SYNGR1: variants seen among roughly 807,000 people sequenced by gnomAD.
SYNGR1 encodes synaptogyrin-1.
In SYNGR1, 14 loss-of-function variants were observed where a neutral mutation model predicts 26.1. That is an observed-to-expected ratio of 0.54 (90% CI 0.35 to 0.84). The LOEUF (loss-of-function observed/expected upper bound fraction) is 0.84. Ranked by LOEUF, SYNGR1 falls within the 40% of genes least tolerant of loss-of-function variation. SYNGR1 has a pLI of 0.01. For synonymous variants in SYNGR1, 141 were observed against 150.1 expected (o/e 0.94, Z 0.44); for missense variants, 319 against 332.9 (o/e 0.96, Z 0.33).
At chr22:39,373,309 C>G (rs757694508) in intron 1 of SYNGR1, among the ~76,000 whole-genome samples, 4 of 151,896 alleles carry the variant, frequency 2.6e-5, no homozygotes, top group Non-Finnish European at 5.9e-5. Flanking sequence ...GCTGGGATTA[C>G]AGGCATCCGC....
At chr22:39,368,862 T>A (rs1274636570) in intron 1 of SYNGR1, among the ~76,000 whole-genome samples, 1 of 152,228 alleles carries the variant, frequency 6.6e-6, no homozygotes, top group East Asian at 1.9e-4. Flanking sequence ...CCTGGTGTTA[T>A]TCCTCTTTTC....
intron 1 of SYNGR1, among the ~76,000 whole-genome samples, chr22:39,351,998 C>T (rs111321804): frequency 1.1e-4 from 17 of 152,258 alleles, no homozygotes; most frequent in African/African-American, 3.9e-4. Context: ...TGCAAGACCA[C>T]ACACAGCTAC....
At chr22:39,354,577 C>T (rs142164994) in intron 1 of SYNGR1, among the ~76,000 whole-genome samples, 5,404 of 152,304 alleles carry the variant, frequency 0.035, 139 homozygotes, top group Non-Finnish European at 0.051. Flanking sequence ...AGGTGGCTCA[C>T]GCCTATAATC....
intron 3 of SYNGR1, chr22:39,378,201 C>G: frequency 9.1e-7 from 1 of 1,102,136 alleles, no homozygotes; most frequent in Non-Finnish European, 1.1e-6. Flanking sequence ...TGGTCTGGCT[C>G]TGTCCTCATG....
chr22:39,380,626 T>TC (rs1404790899), intron 3 of SYNGR1, among the ~76,000 whole-genome samples: 1 of 144,900 alleles, frequency 6.9e-6, no homozygotes, highest in East Asian at 2.0e-4. Flanking sequence ...CTTTTTTTTT[T>TC]TTTTTTTTTT....
chr22:39,376,472 C>G (rs565498336), intron 3 of SYNGR1, among the ~76,000 whole-genome samples: 124 of 151,782 alleles, frequency 8.2e-4, no homozygotes, highest in Non-Finnish European at 9.3e-4. Context: ...CACCCCCCCC[C>G]CAAACCACTC....
At chr22:39,358,406 C>G (rs999469097) in intron 1 of SYNGR1, among the ~76,000 whole-genome samples, 7 of 152,200 alleles carry the variant, frequency 4.6e-5, no homozygotes, top group African/African-American at 1.7e-4. Flanking sequence ...CTGCTCAGTT[C>G]CAAAGCTTTG....
At chr22:39,369,044 T>C (rs1265908897) in intron 1 of SYNGR1, among the ~76,000 whole-genome samples, 1 of 152,230 alleles carries the variant, frequency 6.6e-6, no homozygotes, top group African/African-American at 2.4e-5. Flanking sequence ...CTACCCAGCA[T>C]AAGCAGCAGG....
At chr22:39,357,737 G>A (rs1446043991) in intron 1 of SYNGR1, among the ~76,000 whole-genome samples, 4 of 151,748 alleles carry the variant, frequency 2.6e-5, no homozygotes, top group Non-Finnish European at 4.4e-5. Flanking sequence ...GGGACTTAGC[G>A]CCCGGGCCAG....
chr22:39,359,191 G>C (rs980175572), intron 1 of SYNGR1, among the ~76,000 whole-genome samples: 7 of 152,294 alleles, frequency 4.6e-5, no homozygotes, highest in African/African-American at 1.7e-4. Flanking sequence ...GCTGGGTGTA[G>C]AGGTCGACAG....
At chr22:39,360,428 C>T (rs543571616) in intron 1 of SYNGR1, among the ~76,000 whole-genome samples, 14 of 152,320 alleles carry the variant, frequency 9.2e-5, no homozygotes, top group South Asian at 4.1e-4. Context: ...CGCCCCTCCT[C>T]GCCATCTTCT....
At position 39,365,988 on chromosome 22, in the gene SYNGR1, C is replaced by CTTTTTTTTTTTTTTT. The variant is rs777416803; in HGVS notation, c.100-8315_100-8301dup. Among the ~76,000 whole-genome samples, 396 of 68,376 alleles carry CTTTTTTTTTTTTTTT rather than the reference C, an allele frequency of 5.8e-3. 69 individuals are homozygous for CTTTTTTTTTTTTTTT. The East Asian group carries it at 0.06, about 10-fold the overall frequency. 44.9% of individuals were successfully genotyped at this position (68,376 alleles called of 152,430 possible). On this transcript the variant is annotated intron_variant, in intron 1 of 3. Coordinates refer to ENST00000328933, the MANE Select transcript of SYNGR1 (RefSeq NM_004711.5). ...CGTGAGCCACCGCGCTCAGCCCCTT[C>CTTTTTTTTTTTTTTT]TTTTTTTTTTTTTTTTTTTTTTTTT... is the stretch of plus-strand genomic sequence containing the variant.
chr22:39,366,367 C>T (rs924754852), intron 1 of SYNGR1, among the ~76,000 whole-genome samples: 4 of 151,560 alleles, frequency 2.6e-5, no homozygotes, highest in African/African-American at 4.8e-5. Context: ...ATATTCAGGC[C>T]GGGCATAGTG....
rs987061770 is a variant in SYNGR1, at chr22:39,382,582, ACCT to A, written c.*672_*674del. On this transcript the variant is annotated 3_prime_UTR_variant, in exon 4 of 4. Coordinates refer to ENST00000328933, the MANE Select transcript of SYNGR1 (RefSeq NM_004711.5). Reference sequence around the variant, plus strand: ...ACCACGTGCTCTTCCCTGGCCACCCACCTCCTACCATCCCCACGCTTGGGGCTT... The same window carrying A: ...ACCACGTGCTCTTCCCTGGCCACCCACCTACCATCCCCACGCTTGGGGCTT... The A allele has an allele frequency of 3.2e-5, 5 of 154,870 alleles. No homozygotes were observed. The highest frequency in any genetic ancestry group is 9.7e-5 in the African/African-American group (4 of 41,416). 9.6% of individuals were successfully genotyped at this position (154,870 alleles called of 1,614,324 possible).
At chr22:39,370,999 T>C (rs1369570982) in intron 1 of SYNGR1, among the ~76,000 whole-genome samples, 1 of 152,200 alleles carries the variant, frequency 6.6e-6, no homozygotes, top group Non-Finnish European at 1.5e-5. Flanking sequence ...ATTTATTGGT[T>C]TCATATATGC....
At chr22:39,362,296 C>A (rs957751929) in intron 1 of SYNGR1, among the ~76,000 whole-genome samples, 4 of 152,140 alleles carry the variant, frequency 2.6e-5, no homozygotes, top group African/African-American at 9.7e-5. Flanking sequence ...TCTGCTCGCC[C>A]AGGCCCTGCC....
At chr22:39,371,499 A>G (rs1002948136) in intron 1 of SYNGR1, among the ~76,000 whole-genome samples, 1 of 149,130 alleles carries the variant, frequency 6.7e-6, no homozygotes, top group Non-Finnish European at 1.5e-5. Context: ...AAAAGAAATT[A>G]TAGTTTCTGG....
At chr22:39,378,264 C>T in intron 3 of SYNGR1, 14 of 995,572 alleles carry the variant, frequency 1.4e-5, no homozygotes, top group African/African-American at 1.7e-5. Context: ...AGTCCACTTA[C>T]CTGAACTGAG....
chr22:39,365,031 G>A (rs1447252019), intron 1 of SYNGR1, among the ~76,000 whole-genome samples: 1 of 152,154 alleles, frequency 6.6e-6, no homozygotes, highest in African/African-American at 2.4e-5. Context: ...CTCGAGGGAA[G>A]CTTGTTTTCC....
Sources: allele counts gnomAD v4.1 joint callset (sites outside exome capture counted in the v4.1 genomes callset), GRCh38; gene constraint gnomAD v4.1.1; transcripts MANE v1.5; gene names NCBI Gene and HGNC (gene_info 2026-07-23, HGNC 2026-07-21).